SP140: variants seen among roughly 807,000 people sequenced by gnomAD.
SP140 encodes the protein nuclear body protein SP140.
SP140 carries 81 observed loss-of-function variants against 125.0 expected under a neutral mutation model. The ratio of observed to expected loss-of-function variants is 0.65; its 90% CI spans 0.54 to 0.78. The LOEUF (loss-of-function observed/expected upper bound fraction) is 0.78. SP140 is among the 30% of genes least tolerant of loss of function. SP140 has a pLI of 0.00. For missense variants in SP140, 858 were observed against 1,037.0 expected, an observed-to-expected ratio of 0.83 and a Z score of 2.37; for synonymous variants, 312 against 354.0, an observed-to-expected ratio of 0.88 and a Z score of 1.33.
Position 230,310,045 on chromosome 2 carries a change from T to C in SP140, c.2174+6T>C. Reference sequence around the variant, plus strand: ...CCGCCTGTGGAAGCTGAGAGGTAAGTGACATGCAGGCGTCTCTCTTTTTGT... The same window carrying C: ...CCGCCTGTGGAAGCTGAGAGGTAAGCGACATGCAGGCGTCTCTCTTTTTGT... On this transcript the variant is annotated splice_donor_region_variant and intron_variant, in intron 23 of 26. Coordinates refer to ENST00000392045, the MANE Select transcript of SP140 (RefSeq NM_007237.5). 1 of 1,613,648 alleles carries C rather than the reference T, an allele frequency of 6.2e-7. No homozygotes were observed.
intron 12 of SP140, among the ~76,000 whole-genome samples, chr2:230,256,396 C>T (rs2051206370): frequency 6.6e-6 from 1 of 150,974 alleles, no homozygotes; most frequent in South Asian, 2.1e-4. Context: ...AGCTGGAAAC[C>T]ATCATTCTCA....
chr2:230,302,439 T>C (rs746257032), intron 22 of SP140, among the ~76,000 whole-genome samples: 18 of 152,192 alleles, frequency 1.2e-4, no homozygotes, highest in Middle Eastern at 3.4e-3. Flanking sequence ...AGAAATGAGA[T>C]AGATGGCAAC....
intron 22 of SP140, among the ~76,000 whole-genome samples, chr2:230,298,986 G>A (rs1016857606): frequency 6.6e-6 from 1 of 152,196 alleles, no homozygotes; most frequent in South Asian, 2.1e-4. Flanking sequence ...CTCCTGAGAG[G>A]AGTCTAATGT....
At chr2:230,214,348 T>C (rs1276373149) in intron 3 of SP140, among the ~76,000 whole-genome samples, 1 of 152,186 alleles carries the variant, frequency 6.6e-6, no homozygotes, top group Non-Finnish European at 1.5e-5. Context: ...CAGCTGTCCT[T>C]GTCCGGACTA....
rs146583694 is a variant in SP140 at position 230,297,218 on chromosome 2, A to C, written c.2017-203A>C. ...TTGGTAAAATCTCTAGTTTCATTTT[A>C]CTGTTTACATCAGGTTTCAGTTTGC... On this transcript the variant is annotated intron_variant, in intron 21 of 26. Transcript: ENST00000392045. Among the ~76,000 whole-genome samples, 160 of 152,342 alleles carry C rather than the reference A, an allele frequency of 1.1e-3. 2 individuals carry two copies. Among genetic ancestry groups the C allele is most frequent in the African/African-American group, 3.6e-3 (150 of 41,588 alleles).
At chr2:230,297,015 CATTT>C (rs1216633006) in intron 21 of SP140, among the ~76,000 whole-genome samples, 2 of 152,160 alleles carry the variant, frequency 1.3e-5, no homozygotes, top group Non-Finnish European at 2.9e-5. Context: ...AAATTTATAG[CATTT>C]ATTTGAGCAA....
chr2:230,238,561 A>G (rs937559246), intron 3 of SP140, 180 bp downstream of exon 3: 4 of 748,294 alleles, frequency 5.3e-6, no homozygotes, highest in Non-Finnish European at 8.6e-6. Context: ...GTTTACATAC[A>G]GTGGGAGTGA....
At chr2:230,288,518 T>TTTCTTTCTTTCTTTCTTTCTTTCTTTC (rs1553600262) in intron 18 of SP140, among the ~76,000 whole-genome samples, 4 of 111,156 alleles carry the variant, frequency 3.6e-5, no homozygotes, top group South Asian at 3.2e-4. Flanking sequence ...TCTTTCTTTC[T>TTTCTTTCTTTCTTTCTTTCTTTCTTTC]TTCTTTTTTT....
At chr2:230,206,593 TTTTATATA>T (rs2043838133) in intron 1 of SP140, among the ~76,000 whole-genome samples, 1 of 63,652 alleles carries the variant, frequency 1.6e-5, no homozygotes, top group Non-Finnish European at 2.9e-5. Context: ...CTGGTCCAGA[TTTTATATA>T]TATATATATA....
chr2:230,313,974 C>T (rs948165170), downstream of SP140, among the ~76,000 whole-genome samples: 1 of 152,266 alleles, frequency 6.6e-6, no homozygotes, highest in Non-Finnish European at 1.5e-5. Context: ...TAGATCTAGT[C>T]GTTACCAGCC....
chr2:230,224,740 G>A (rs1472919316), upstream of SP140, among the ~76,000 whole-genome samples: 4 of 152,308 alleles, frequency 2.6e-5, no homozygotes, highest in Non-Finnish European at 5.9e-5. Context: ...AGGAGCACAT[G>A]TTTTGGAAAA....
the SP140 span, among the ~76,000 whole-genome samples, chr2:230,190,167 C>A: frequency 6.6e-6 from 1 of 152,206 alleles, no homozygotes; most frequent in Non-Finnish European, 1.5e-5. Context: ...TACACTCCCA[C>A]CAACAGTGTA....
At chr2:230,213,930 G>T (rs1427293) in intron 2 of SP140, 139,530 of 152,334 alleles carry the variant, frequency 0.92, 64,048 homozygotes, top group East Asian at 1. Context: ...CACTGTCCAT[G>T]TAGCTCAAGA....
chr2:230,314,400 G>A (rs1382856798), downstream of SP140, among the ~76,000 whole-genome samples: 2 of 152,230 alleles, frequency 1.3e-5, no homozygotes, highest in African/African-American at 2.4e-5. Context: ...TGCATCAGCA[G>A]GAGCAAGGAG....
At position 230,253,679 on chromosome 2, in the gene SP140, G is replaced by A. The variant is rs539767677; in HGVS notation, c.1159+262G>A. Among the ~76,000 whole-genome samples, 5 of 152,268 alleles carry A rather than the reference G, an allele frequency of 3.3e-5. No homozygotes were observed. In the East Asian group the frequency reaches 7.7e-4, roughly 23 times the overall value. On this transcript the variant is annotated intron_variant, in intron 11 of 26. Coordinates refer to ENST00000392045, the MANE Select transcript of SP140 (RefSeq NM_007237.5). ...ACAATATGCCAGAGGTAGGCTGGGG[G>A]CACCAGAGAAGAAGTTCCTGGGTGA...
chr2:230,292,605 G>A, intron 19 of SP140, 41 bp from the exon 20 acceptor site: 1 of 1,613,278 alleles, frequency 6.2e-7, no homozygotes, highest in South Asian at 1.1e-5. Flanking sequence ...TGTGCGCTGG[G>A]AAAAAAGAGG....
intron 7 of SP140, among the ~76,000 whole-genome samples, chr2:230,247,568 C>T (rs2049656204): frequency 6.6e-6 from 1 of 152,216 alleles, no homozygotes; most frequent in Non-Finnish European, 1.5e-5. Flanking sequence ...GTACCTCTCA[C>T]ATCCATTCTT....
chr2:230,236,952 C>T (rs1163488652), intron 1 of SP140, 131 bp from the exon 2 acceptor site: 1 of 566,776 alleles, frequency 1.8e-6, no homozygotes. Flanking sequence ...TCATTCTGGT[C>T]TCCCTACAAG....
Position 230,292,782 on chromosome 2 carries a change from G to A in SP140, c.1962G>A (p.Leu654=). The part of the protein sequence containing the change: ...VRCGGWPLRW[L]MENGFLPDPP... ...GTGGCGGGTGGCCCCTACGATGGCT[G>A]ATGGAGGTATTCCAATGACAAGGGG... Residue 654 remains leucine (L), a synonymous_variant, in exon 20 of 27, where the codon CTG becomes CTA. Transcript: ENST00000392045. 6.2e-7 allele frequency: 1 copy of A among 1,614,066 alleles called. No homozygotes were observed. The highest frequency in any genetic ancestry group is 8.5e-7 in the Non-Finnish European group (1 of 1,180,008).
Sources: gnomAD v4.1 joint callset for allele counts (sites outside exome capture counted in the v4.1 genomes callset) on GRCh38, gnomAD v4.1.1 for gene constraint, MANE v1.5 for transcripts, NCBI Gene and HGNC (gene_info 2026-07-23, HGNC 2026-07-21) for gene names.